Variants in EPHA6 observed in about 807,000 individuals in gnomAD.
The protein encoded by EPHA6 is ephrin type-A receptor 6.
A neutral mutation model predicts 112.0 loss-of-function variants in EPHA6; 50 were observed. The observed-to-expected ratio is 0.45, with a 90% CI of 0.36 to 0.56. The LOEUF is 0.56. Ranked by LOEUF, EPHA6 falls within the 20% of genes least tolerant of loss-of-function variation. The pLI is 0.00. For missense variants in EPHA6, 1,280 were observed against 1,417.4 expected (o/e 0.90, Z 1.56); for synonymous variants, 529 against 490.7 (o/e 1.08, Z -1.03).
intron 16 of EPHA6, chr3:97,745,444 G>T (rs545916759): frequency 3.2e-4 from 140 of 436,108 alleles, no homozygotes; most frequent in Non-Finnish European, 5.6e-4. Flanking sequence ...CAGGAAAAAA[G>T]AATGCAGCTT....
chr3:97,675,346 G>A (rs1447295748), intron 14 of EPHA6, among the ~76,000 whole-genome samples: 1 of 152,044 alleles, frequency 6.6e-6, no homozygotes, highest in Non-Finnish European at 1.5e-5. Flanking sequence ...CAGGCGGGGT[G>A]GTGGGTGCCT....
chr3:97,293,600 G>C (rs1397005696), intron 5 of EPHA6, among the ~76,000 whole-genome samples: 1 of 152,222 alleles, frequency 6.6e-6, no homozygotes, highest in Non-Finnish European at 1.5e-5. Flanking sequence ...GGTTTTTATG[G>C]GCTCAGAAGG....
intron 1 of EPHA6, among the ~76,000 whole-genome samples, chr3:96,826,811 A>T (rs955876432): frequency 6.6e-6 from 1 of 151,968 alleles, no homozygotes; most frequent in African/African-American, 2.4e-5. Flanking sequence ...TTTCCTTTTG[A>T]GATTTGCTTC....
At chr3:97,337,617 GT>G (rs1343176883) in intron 5 of EPHA6, among the ~76,000 whole-genome samples, 19 of 152,062 alleles carry the variant, frequency 1.2e-4, no homozygotes, top group Non-Finnish European at 2.1e-4. Context: ...TCCAACATTT[GT>G]GCTATAAACC....
At chr3:97,191,387 G>C (rs2077301913) in intron 3 of EPHA6, among the ~76,000 whole-genome samples, 1 of 151,640 alleles carries the variant, frequency 6.6e-6, no homozygotes. Flanking sequence ...TAATGACCCT[G>C]TTGTGCTATC....
chr3:97,692,394 T>G (rs76516473), intron 14 of EPHA6, among the ~76,000 whole-genome samples: 2,781 of 152,308 alleles, frequency 0.018, 68 homozygotes, highest in African/African-American at 0.063. Flanking sequence ...GATCAGAATT[T>G]TTAAAGACGA....
chr3:97,647,811 C>A (rs2094077244), intron 14 of EPHA6, among the ~76,000 whole-genome samples: 1 of 152,116 alleles, frequency 6.6e-6, no homozygotes, highest in Non-Finnish European at 1.5e-5. Context: ...GGGACTCTCT[C>A]ATTTGAATAT....
intron 14 of EPHA6, among the ~76,000 whole-genome samples, chr3:97,681,214 G>T (rs922184072): frequency 2.0e-5 from 3 of 152,080 alleles, no homozygotes; most frequent in Non-Finnish European, 4.4e-5. Context: ...AAATTAAAAA[G>T]ATTTATAATA....
intron 2 of EPHA6, among the ~76,000 whole-genome samples, chr3:96,975,560 G>C (rs990915095): frequency 6.6e-6 from 1 of 152,148 alleles, no homozygotes; most frequent in African/African-American, 2.4e-5. Flanking sequence ...TTGTGAAAAA[G>C]TTTTGATGAA....
chr3:97,653,712 C>T (rs1356147046), intron 14 of EPHA6, among the ~76,000 whole-genome samples: 1 of 151,898 alleles, frequency 6.6e-6, no homozygotes, highest in Non-Finnish European at 1.5e-5. Context: ...CCTGTGTGTG[C>T]TGCATCATTA....
At chr3:96,960,679 T>C (rs2041920881) in intron 2 of EPHA6, among the ~76,000 whole-genome samples, 1 of 152,198 alleles carries the variant, frequency 6.6e-6, no homozygotes. Flanking sequence ...GATTCTCTAG[T>C]GTTGTTTAAT....
chr3:97,502,572 C>T (rs1273479619), intron 10 of EPHA6, among the ~76,000 whole-genome samples: 5 of 151,780 alleles, frequency 3.3e-5, no homozygotes, highest in African/African-American at 1.2e-4. Flanking sequence ...TGGTGGCTCA[C>T]GCCTGTAATC....
chr3:97,347,954 A>G (rs1381430189), intron 5 of EPHA6, among the ~76,000 whole-genome samples: 1 of 152,130 alleles, frequency 6.6e-6, no homozygotes, highest in South Asian at 2.1e-4. Flanking sequence ...ACAGAGTCTT[A>G]TCTGATTTTC....
chr3:97,061,310 C>A (rs1046410673), intron 3 of EPHA6, among the ~76,000 whole-genome samples: 5 of 152,134 alleles, frequency 3.3e-5, no homozygotes, highest in African/African-American at 1.2e-4. Context: ...GTAGTTGAGA[C>A]AGAGGTACAT....
chr3:96,839,802 G>A (rs986040972), intron 1 of EPHA6, among the ~76,000 whole-genome samples: 3 of 152,036 alleles, frequency 2.0e-5, no homozygotes. Flanking sequence ...TGATGTTGTA[G>A]ATACTTACTA....
chr3:97,140,530 G>A (rs955934172), intron 3 of EPHA6, among the ~76,000 whole-genome samples: 3 of 152,072 alleles, frequency 2.0e-5, no homozygotes, highest in African/African-American at 7.2e-5. Flanking sequence ...CTATGTTCAG[G>A]TTTCTTAAAG....
chr3:97,486,077 C>A (rs1314957988), intron 10 of EPHA6, among the ~76,000 whole-genome samples: 1 of 152,168 alleles, frequency 6.6e-6, no homozygotes, highest in Admixed American at 6.5e-5. Context: ...ATAATTGATA[C>A]TGCAAAAGCA....
chr3:97,044,240 G>A (rs2045424984), intron 3 of EPHA6, among the ~76,000 whole-genome samples: 1 of 152,044 alleles, frequency 6.6e-6, no homozygotes. Context: ...TTAGCATCTT[G>A]TTTATAACAC....
chr3:97,680,059 C>T (rs2107679491), intron 14 of EPHA6, among the ~76,000 whole-genome samples: 1 of 152,290 alleles, frequency 6.6e-6, no homozygotes, highest in East Asian at 1.9e-4. Context: ...TCCCAAAGTA[C>T]TTCTTATGTC....
Sources: allele counts gnomAD v4.1 joint callset (sites outside exome capture counted in the v4.1 genomes callset), GRCh38; gene constraint gnomAD v4.1.1; transcripts MANE v1.5; gene names NCBI Gene and HGNC (gene_info 2026-07-23, HGNC 2026-07-21).